The following FOS variants were observed in gnomAD, a reference collection of about 807,000 sequenced individuals.
FOS encodes the protein protein c-Fos.
A neutral mutation model predicts 27.2 loss-of-function variants in FOS; 9 were observed. The ratio of observed to expected loss-of-function variants is 0.33; its 90% CI spans 0.20 to 0.58. The LOEUF (loss-of-function observed/expected upper bound fraction) is 0.58. FOS is among the 20% of genes least tolerant of loss of function. FOS has a pLI of 0.87. For synonymous variants in FOS, 213 were observed against 205.1 expected (o/e 1.04, Z -0.33); for missense variants, 405 against 483.5 (o/e 0.84, Z 1.52).
chr14:75,280,949 T>A lies in FOS; in HGVS notation c.668T>A (p.Leu223Gln). 6.2e-7 allele frequency: 1 copy of A among 1,614,204 alleles called. No individual in the cohort carries two copies. Among genetic ancestry groups the A allele is most frequent in the Non-Finnish European group, 8.5e-7 (1 of 1,180,030 alleles). Residue 223 changes from leucine (L) to glutamine (Q), a missense_variant, in exon 4 of 4, where the codon CTG becomes CAG. Leu to Gln is a moderately radical substitution (Grantham distance 113). Transcript: ENST00000303562. ...GAGATGTCTGTGGCTTCCCTTGATC[T>A]GACTGGGGGCCTGCCAGAGGTTGCC... ...PEEMSVASLD[L>Q]TGGLPEVATP...
chr14:75,279,502 GA>G lies in FOS; in HGVS notation c.142-374del. ...CCGGCAGCCTGGAGCACGGAGGAGG[GA>G]TGAGGGAGGAGGGTGCAGCGGGCGG... On this transcript the variant is annotated intron_variant, in intron 1 of 3. Transcript: ENST00000303562. This position sits in a 1 kb window ranked among gnomAD's most constrained non-coding sequence, Gnocchi z 5.4. The G allele has an allele frequency of 2.2e-6, 1 of 445,180 alleles. No homozygotes were observed. 27.6% of individuals were successfully genotyped at this position (445,180 alleles called of 1,614,324 possible). A position where few individuals can be genotyped will look rare whatever the true frequency, so the allele number is the denominator to read the frequency against.
chr14:75,281,004 G>A lies in FOS; in HGVS notation c.723G>A (p.Leu241=), dbSNP rs768855096. The A allele has an allele frequency of 1.2e-6, 2 of 1,614,060 alleles. No homozygotes were observed. The highest frequency in any genetic ancestry group is 2.2e-5 in the East Asian group (1 of 44,876). The change falls in exon 4 of 4, where the codon CTG becomes CTA. Residue 241 remains leucine, a synonymous_variant. Transcript: ENST00000303562. The surrounding 1 kb of genome is among the most constrained non-coding windows in gnomAD (Gnocchi z 4.7). ...CGGAGTCTGAGGAGGCCTTCACCCT[G>A]CCTCTCCTCAATGACCCTGAGCCCA... ...ATPESEEAFT[L]PLLNDPEPKP...
At position 75,278,994 on chromosome 14, in the gene FOS, G is replaced by A. The variant is rs745318617; in HGVS notation, c.12G>A (p.Ser4=). The part of the protein sequence containing the change: MMF[S]GFNADYEASS... ...GCCTAACCGCCACGATGATGTTCTC[G>A]GGCTTCAACGCAGACTACGAGGCGT... Residue 4 remains serine, a synonymous_variant, in exon 1 of 4, where the codon TCG becomes TCA. Transcript: ENST00000303562. This position sits in a 1 kb window ranked among gnomAD's most constrained non-coding sequence, Gnocchi z 4.1. 2.5e-6 allele frequency: 4 copies of A among 1,613,610 alleles called. No homozygotes were observed. The highest frequency in any genetic ancestry group is 3.4e-6 in the Non-Finnish European group (4 of 1,179,914).
rs377429646 is a variant in FOS, at chr14:75,281,449, G to A, written c.*25G>A. 1.1e-5 allele frequency: 18 copies of A among 1,602,086 alleles called. No homozygotes were observed. The highest frequency in any genetic ancestry group is 1.7e-4 in the Middle Eastern group (1 of 6,058). ...AGGGGGCAGGGAAGGGGAGGCAGCC[G>A]GCACCCACAAGTGCCACTGCCCGAG... On this transcript the variant is annotated 3_prime_UTR_variant, in exon 4 of 4. Coordinates refer to ENST00000303562, the MANE Select transcript of FOS (RefSeq NM_005252.4). The surrounding 1 kb of genome is among the most constrained non-coding windows in gnomAD (Gnocchi z 4.7).
At chr14:75,280,386 G>A (rs577293050) in intron 2 of FOS, 174 bp from the exon 3 acceptor site, 436 of 685,074 alleles carry the variant, frequency 6.4e-4, no homozygotes, top group Non-Finnish European at 1.0e-3. Flanking sequence ...TCTTGCTGAG[G>A]ATCTTATTTT....
At position 75,281,319 on chromosome 14, in the gene FOS, C is replaced by A. The variant is rs200095017; in HGVS notation, c.1038C>A (p.Pro346=). The A allele has an allele frequency of 1.9e-6, 3 of 1,609,720 alleles. No individual in the cohort carries two copies. The South Asian group carries it at 3.3e-5, about 18-fold the overall frequency. Residue 346 remains proline, a synonymous_variant, in exon 4 of 4, where the codon CCC becomes CCA. Transcript: ENST00000303562. The surrounding 1 kb of genome is among the most constrained non-coding windows in gnomAD (Gnocchi z 4.7). ...AYTSSFVFTY[P]EADSFPSCAA... ...CGTCTTCCTTCGTCTTCACCTACCC[C>A]GAGGCTGACTCCTTCCCCAGCTGTG...
At position 75,281,409 on chromosome 14, in the gene FOS, G is replaced by T; in HGVS notation, c.1128G>T (p.Thr376=). The change falls in exon 4 of 4, where the codon ACG becomes ACT. Residue 376 remains threonine, a synonymous_variant. Transcript: ENST00000303562. The surrounding 1 kb of genome is among the most constrained non-coding windows in gnomAD (Gnocchi z 4.7). ...EPSSDSLSSP[T]LLAL ...CCTCTGACTCGCTCAGCTCACCCACGCTGCTGGCCCTGTGAGGGGGCAGGG... is the reference window on the plus strand; with the variant it reads ...CCTCTGACTCGCTCAGCTCACCCACTCTGCTGGCCCTGTGAGGGGGCAGGG... 6.2e-7 allele frequency: 1 copy of T among 1,610,994 alleles called. No individual in the cohort carries two copies. The highest frequency in any genetic ancestry group is 8.5e-7 in the Non-Finnish European group (1 of 1,179,748).
rs1372628444 is a variant in FOS, at chr14:75,280,917, C to G, written c.636C>G (p.Phe212Leu). 2.5e-5 allele frequency: 41 copies of G among 1,614,054 alleles called. No individual in the cohort carries two copies. The highest frequency in any genetic ancestry group is 3.3e-5 in the Non-Finnish European group (39 of 1,180,034). Residue 212 changes from phenylalanine (F) to leucine (L), a missense_variant, in exon 4 of 4, where the codon TTC becomes TTG. By Grantham distance (22) the Phe-to-Leu change is conservative (BLOSUM62 0). Coordinates refer to ENST00000303562, the MANE Select transcript of FOS (RefSeq NM_005252.4). ...GCAAGATCCCTGATGACCTGGGCTT[C>G]CCAGAAGAGATGTCTGTGGCTTCCC... is the stretch of plus-strand genomic sequence containing the variant. ...PACKIPDDLG[F>L]PEEMSVASLD...
In FOS at chr14:75,279,013, G is replaced by A; in HGVS notation, c.31G>A (p.Glu11Lys). Residue 11 changes from glutamate to lysine, a missense_variant, in exon 1 of 4, where the codon GAG (glutamate) becomes AAG (lysine). Transcript: ENST00000303562. The surrounding 1 kb of genome is among the most constrained non-coding windows in gnomAD (Gnocchi z 5.4). ...GTTCTCGGGCTTCAACGCAGACTACGAGGCGTCATCCTCCCGCTGCAGCAG... is the reference window on the plus strand; with the variant it reads ...GTTCTCGGGCTTCAACGCAGACTACAAGGCGTCATCCTCCCGCTGCAGCAG... The part of the protein sequence containing the change: MMFSGFNADY[E>K]ASSSRCSSAS... 6.2e-7 allele frequency: 1 copy of A among 1,613,668 alleles called. No homozygotes were observed.
Position 75,281,454 on chromosome 14 carries a change from C to T in FOS, c.*30C>T. 6.3e-7 allele frequency: 1 copy of T among 1,599,410 alleles called. No homozygotes were observed. Among genetic ancestry groups the T allele is most frequent in the Non-Finnish European group, 8.5e-7 (1 of 1,175,264 alleles). On this transcript the variant is annotated 3_prime_UTR_variant, in exon 4 of 4. Transcript: ENST00000303562. The surrounding 1 kb of genome is among the most constrained non-coding windows in gnomAD (Gnocchi z 4.7). Reference sequence around the variant, plus strand: ...GCAGGGAAGGGGAGGCAGCCGGCACCCACAAGTGCCACTGCCCGAGCTGGT... The same window carrying T: ...GCAGGGAAGGGGAGGCAGCCGGCACTCACAAGTGCCACTGCCCGAGCTGGT...
chr14:75,280,354 C>G (rs891809918), intron 2 of FOS: 1 of 688,282 alleles, frequency 1.5e-6, no homozygotes, highest in Non-Finnish European at 2.5e-6. Flanking sequence ...CGCATGCTTT[C>G]AGACTGGGCT....
chr14:75,280,315 T>C, intron 2 of FOS, 187 bp downstream of exon 2: 1 of 762,458 alleles, frequency 1.3e-6, no homozygotes. Flanking sequence ...TAAGAAGTAC[T>C]CTCATAGTTT....
chr14:75,280,993 G>A lies in FOS; in HGVS notation c.712G>A (p.Ala238Thr). 1 of 1,614,130 alleles carries A rather than the reference G, an allele frequency of 6.2e-7. No homozygotes were observed. Among genetic ancestry groups the A allele is most frequent in the Non-Finnish European group, 8.5e-7 (1 of 1,180,016 alleles). Residue 238 changes from alanine to threonine, a missense_variant, in exon 4 of 4, where the codon GCC (alanine) becomes ACC (threonine). Physicochemically the swap from Ala to Thr is moderately conservative, Grantham distance 58. Coordinates refer to ENST00000303562, the MANE Select transcript of FOS (RefSeq NM_005252.4). ...GGTTGCCACCCCGGAGTCTGAGGAG[G>A]CCTTCACCCTGCCTCTCCTCAATGA... ...PEVATPESEE[A>T]FTLPLLNDPE...
chr14:75,281,659 CCAG>C lies in FOS; in HGVS notation c.*236_*238del. The C allele has an allele frequency of 1.8e-6, 1 of 551,842 alleles. No individual in the cohort carries two copies. The highest frequency in any genetic ancestry group is 3.2e-6 in the Non-Finnish European group (1 of 308,372). The allele number at this position is 551,842 out of a possible 1,614,324, so 34.2% of individuals were successfully genotyped here. On this transcript the variant is annotated 3_prime_UTR_variant, in exon 4 of 4. Transcript: ENST00000303562. This position sits in a 1 kb window ranked among gnomAD's most constrained non-coding sequence, Gnocchi z 4.7. ...AAAACGCATGGAGTGTGTATTGTTCCCAGTGACACTTCAGAGAGCTGGTAGTTA... is the reference window on the plus strand; with the variant it reads ...AAAACGCATGGAGTGTGTATTGTTCCTGACACTTCAGAGAGCTGGTAGTTA...
intron 2 of FOS, 48 bp downstream of exon 2, chr14:75,280,176 G>A (rs1310332501): frequency 1.9e-6 from 3 of 1,611,832 alleles, no homozygotes; most frequent in Non-Finnish European, 2.5e-6. Flanking sequence ...GGCTGGGTGG[G>A]AAGCAGCCCC....
chr14:75,280,745 A>C, intron 3 of FOS, 38 bp from the exon 4 acceptor site: 1 of 1,612,514 alleles, frequency 6.2e-7, no homozygotes, highest in Non-Finnish European at 8.5e-7. Flanking sequence ...CTTGAGTAAG[A>C]CTGTGTCTTA....
rs745318617 is a variant in FOS, at chr14:75,278,994, G to C, written c.12G>C (p.Ser4=). The part of the protein sequence containing the change: MMF[S]GFNADYEASS... ...GCCTAACCGCCACGATGATGTTCTC[G>C]GGCTTCAACGCAGACTACGAGGCGT... is the stretch of plus-strand genomic sequence containing the variant. Residue 4 remains serine, a synonymous_variant, in exon 1 of 4, where the codon TCG becomes TCC. Coordinates refer to ENST00000303562, the MANE Select transcript of FOS (RefSeq NM_005252.4). The surrounding 1 kb of genome is among the most constrained non-coding windows in gnomAD (Gnocchi z 4.1). 1.1e-5 allele frequency: 18 copies of C among 1,613,492 alleles called. No individual in the cohort carries two copies. Among genetic ancestry groups the C allele is most frequent in the Admixed American group, 1.7e-5 (1 of 60,012 alleles).
chr14:75,279,883 T>C lies in FOS; in HGVS notation c.148T>C (p.Cys50Arg), dbSNP rs1386493581. The C allele has an allele frequency of 6.2e-7, 1 of 1,603,956 alleles. No individual in the cohort carries two copies. The highest frequency in any genetic ancestry group is 8.5e-7 in the Non-Finnish European group (1 of 1,173,448). Reference sequence around the variant, plus strand: ...CCCTTCTGTTTTGTTCTAGGACTTCTGCACGGACCTGGCCGTCTCCAGTGC... The same window carrying C: ...CCCTTCTGTTTTGTTCTAGGACTTCCGCACGGACCTGGCCGTCTCCAGTGC... ...MGSPVNAQDFCTDLAVSSANF... is the reference protein window; with the variant it reads ...MGSPVNAQDFRTDLAVSSANF... Residue 50 changes from cysteine to arginine, a missense_variant, in exon 2 of 4, where the codon TGC becomes CGC. Physicochemically the swap from Cys to Arg is radical, Grantham distance 180. Transcript: ENST00000303562. This position sits in a 1 kb window ranked among gnomAD's most constrained non-coding sequence, Gnocchi z 5.4.
At chr14:75,280,183 C>A in intron 2 of FOS, 55 bp downstream of exon 2, 1 of 1,611,062 alleles carries the variant, frequency 6.2e-7, no homozygotes, top group East Asian at 2.2e-5. Context: ...TGGGAAGCAG[C>A]CCCGGAGATG....
Sources: gnomAD v4.1 joint callset for allele counts on GRCh38, gnomAD v4.1.1 for gene constraint, Gnocchi (gnomAD v3.1) non-coding constraint, MANE v1.5 for transcripts, NCBI Gene and HGNC (gene_info 2026-07-23, HGNC 2026-07-21) for gene names.